Variants in OPHN1 observed in about 807,000 individuals in gnomAD.
OPHN1 encodes oligophrenin-1.
Under a neutral mutation model 60.7 loss-of-function variants are expected in OPHN1, and 11 were observed. The ratio of observed to expected loss-of-function variants is 0.18; its 90% CI spans 0.11 to 0.30. The LOEUF is 0.30. OPHN1 is among the 10% of genes least tolerant of loss of function. The pLI is 1.00. For synonymous variants in OPHN1, 226 were observed against 222.6 expected (o/e 1.02, Z -0.14); for missense variants, 449 against 611.0 (o/e 0.73, Z 2.80).
At chrX:68,112,826 G>A (rs1043683555) in intron 17 of OPHN1, among the ~76,000 whole-genome samples, 1 of 112,268 alleles carries the variant, frequency 8.9e-6, no homozygotes, top group Non-Finnish European at 1.9e-5. Context: ...GAAGGAAGTT[G>A]AAACGGCAAC....
chrX:68,071,385 T>C (rs748445016), intron 20 of OPHN1: 8 of 720,503 alleles, frequency 1.1e-5, no homozygotes, highest in East Asian at 6.4e-5. Flanking sequence ...CCTTCCCTTC[T>C]TCTTCCACAT....
chrX:68,053,215 G>GA (rs2076859215), intron 22 of OPHN1, among the ~76,000 whole-genome samples: 1 of 111,265 alleles, frequency 9.0e-6, no homozygotes, highest in Non-Finnish European at 1.9e-5. Context: ...AAGTCATTTT[G>GA]AAAAAAAATT....
chrX:68,148,781 C>T (rs1039427860), intron 15 of OPHN1, among the ~76,000 whole-genome samples: 7 of 110,813 alleles, frequency 6.3e-5, no homozygotes, highest in African/African-American at 2.3e-4. Flanking sequence ...ATCCAGGGCC[C>T]ACATCCCACT....
chrX:68,311,998 T>C (rs2078175795), intron 2 of OPHN1, among the ~76,000 whole-genome samples: 1 of 111,169 alleles, frequency 9.0e-6, no homozygotes, highest in Non-Finnish European at 1.9e-5. Context: ...TTTTAAAAGC[T>C]TAAAGTCATG....
At chrX:68,139,807 T>G (rs2077234965) in intron 15 of OPHN1, among the ~76,000 whole-genome samples, 3 of 111,712 alleles carry the variant, frequency 2.7e-5, no homozygotes, top group Admixed American at 9.5e-5. Flanking sequence ...CATTGGGGAG[T>G]TGGTTATAGA....
intron 7 of OPHN1, among the ~76,000 whole-genome samples, chrX:68,213,483 A>C (rs1465150243): frequency 1.4e-4 from 16 of 111,269 alleles, no homozygotes; most frequent in Non-Finnish European, 3.0e-4. Flanking sequence ...CACTGACTGC[A>C]AGAGACATGA....
At chrX:68,274,526 C>G (rs1222565898) in intron 5 of OPHN1, among the ~76,000 whole-genome samples, 1 of 111,419 alleles carries the variant, frequency 9.0e-6, no homozygotes, top group African/African-American at 3.3e-5. Flanking sequence ...TCCCCACCCC[C>G]TTTGTCATGT....
At chrX:68,422,507 AAAAG>A (rs1436984896) in intron 2 of OPHN1, among the ~76,000 whole-genome samples, 2 of 104,401 alleles carry the variant, frequency 1.9e-5, no homozygotes, top group Non-Finnish European at 3.9e-5. Flanking sequence ...GAGAGAAAGA[AAAAG>A]AAAGAGAAAG....
chrX:68,214,561 G>GT (rs757317178), intron 6 of OPHN1, among the ~76,000 whole-genome samples: 2 of 111,965 alleles, frequency 1.8e-5, no homozygotes, highest in Admixed American at 1.9e-4. Context: ...TTAAAGACCT[G>GT]TTTCACTCAG....
At chrX:68,147,511 A>G (rs1422455423) in intron 15 of OPHN1, among the ~76,000 whole-genome samples, 1 of 112,162 alleles carries the variant, frequency 8.9e-6, no homozygotes, top group African/African-American at 3.2e-5. Context: ...ACAGCTTACA[A>G]GATGAACAGG....
At chrX:68,097,146 C>T in intron 18 of OPHN1, 117 bp from the exon 19 acceptor site, 3 of 626,382 alleles carry the variant, frequency 4.8e-6, no homozygotes, top group Non-Finnish European at 7.1e-6. Flanking sequence ...GAAAGGAGCA[C>T]CTAAAGTATG....
chrX:68,058,827 GAACT>G (rs1471634023), intron 21 of OPHN1, among the ~76,000 whole-genome samples: 7 of 112,068 alleles, frequency 6.2e-5, no homozygotes, highest in Admixed American at 4.7e-4. Context: ...AAGTAAAGCT[GAACT>G]AACTAAGATC....
chrX:68,192,429 T>C (rs2077492483), intron 15 of OPHN1, among the ~76,000 whole-genome samples: 2 of 103,976 alleles, frequency 1.9e-5, no homozygotes, highest in African/African-American at 3.6e-5. Flanking sequence ...GCCATGATCA[T>C]GCCACTGCAC....
chrX:68,249,408 T>C (rs780211442), intron 5 of OPHN1, among the ~76,000 whole-genome samples: 3 of 111,929 alleles, frequency 2.7e-5, no homozygotes, highest in Non-Finnish European at 5.6e-5. Flanking sequence ...GAGAATCTCC[T>C]ATAGATGAGC....
At chrX:68,077,916 C>T (rs189771754) in intron 19 of OPHN1, among the ~76,000 whole-genome samples, 3 of 112,043 alleles carry the variant, frequency 2.7e-5, no homozygotes, top group African/African-American at 9.7e-5. Context: ...TGAGTTCAAA[C>T]CCCAGCTCTA....
At chrX:68,331,832 G>A (rs1032591606) in intron 2 of OPHN1, among the ~76,000 whole-genome samples, 2 of 109,154 alleles carry the variant, frequency 1.8e-5, no homozygotes, top group South Asian at 3.9e-4. Context: ...TCAAGAGATC[G>A]AGACCAATCT....
At chrX:68,152,081 T>A (rs2077287501) in intron 15 of OPHN1, among the ~76,000 whole-genome samples, 1 of 110,961 alleles carries the variant, frequency 9.0e-6, no homozygotes, top group South Asian at 3.9e-4. Flanking sequence ...ACTGAGGGGA[T>A]GATGCTAACC....
intron 19 of OPHN1, among the ~76,000 whole-genome samples, chrX:68,079,536 G>A (rs750593563): frequency 3.6e-5 from 4 of 111,699 alleles, no homozygotes; most frequent in South Asian, 3.8e-4. Flanking sequence ...GAACACTGTC[G>A]TCTCTTTCAC....
chrX:68,322,615 C>T (rs1303109814), intron 2 of OPHN1, among the ~76,000 whole-genome samples: 3 of 110,836 alleles, frequency 2.7e-5, no homozygotes, highest in Non-Finnish European at 3.8e-5. Flanking sequence ...GATGAAACCC[C>T]GTCTCCACTA....
Sources: gnomAD v4.1 joint callset for allele counts (sites outside exome capture counted in the v4.1 genomes callset) on GRCh38, gnomAD v4.1.1 for gene constraint, MANE v1.5 for transcripts, NCBI Gene and HGNC (gene_info 2026-07-23, HGNC 2026-07-21) for gene names.